RCC1L: variants seen among roughly 807,000 people sequenced by gnomAD.
RCC1L encodes the protein RCC1-like G exchanging factor-like protein.
A neutral mutation model predicts 58.6 loss-of-function variants in RCC1L; 46 were observed. The observed-to-expected ratio is 0.79, with a 90% CI of 0.62 to 1.00. The LOEUF (loss-of-function observed/expected upper bound fraction) is 1.00, where lower values mean the gene tolerates loss of function less well. Ranked by LOEUF, RCC1L falls within the 50% of genes least tolerant of loss-of-function variation. The pLI is 0.00. For missense variants in RCC1L, 636 were observed against 623.6 expected (o/e 1.02, Z -0.21); for synonymous variants, 281 against 262.9 (o/e 1.07, Z -0.67).
At chr7:75,044,850 C>T (rs915789133) in intron 10 of RCC1L, among the ~76,000 whole-genome samples, 1 of 151,672 alleles carries the variant, frequency 6.6e-6, no homozygotes, top group Non-Finnish European at 1.5e-5. Flanking sequence ...GGTGAAACCC[C>T]GTCTCTACTA....
At chr7:75,064,866 C>A in intron 3 of RCC1L, 1 of 604,318 alleles carries the variant, frequency 1.7e-6, no homozygotes, top group Non-Finnish European at 3.0e-6. Context: ...CCTAGATCCA[C>A]TTCTTGGGAA....
chr7:75,055,548 T>G, intron 9 of RCC1L: 1 of 352,896 alleles, frequency 2.8e-6, no homozygotes, highest in Non-Finnish European at 5.5e-6. Context: ...CACATTCACT[T>G]CCTAATCACC....
intron 10 of RCC1L, among the ~76,000 whole-genome samples, chr7:75,029,147 T>C (rs1805226775): frequency 6.6e-6 from 1 of 152,190 alleles, no homozygotes; most frequent in African/African-American, 2.4e-5. Context: ...CCCAGGGCAC[T>C]ATTTGGTGAT....
intron 10 of RCC1L, among the ~76,000 whole-genome samples, chr7:75,034,333 C>G (rs1805387569): frequency 6.6e-6 from 1 of 152,060 alleles, no homozygotes; most frequent in South Asian, 2.1e-4. Context: ...CTGGGCAACA[C>G]AGTGAAATCC....
At chr7:75,045,453 T>C (rs1262054264) in intron 10 of RCC1L, among the ~76,000 whole-genome samples, 10 of 152,148 alleles carry the variant, frequency 6.6e-5, no homozygotes, top group Admixed American at 1.3e-4. Context: ...GTGCTGGGAT[T>C]CCAGGTGTGA....
In RCC1L at chr7:75,073,699, C is replaced by A. The variant is rs587623260; in HGVS notation, c.39G>T (p.Gly13=). The part of the protein sequence containing the change: ...LVALVAGARL[G]RRLSGPGLGR... ...CCAGCCCCGGCCCGCTCAGCCGCCGCCCCAGCCGAGCCCCAGCCACCAACG... is the reference window on the plus strand; with the variant it reads ...CCAGCCCCGGCCCGCTCAGCCGCCGACCCAGCCGAGCCCCAGCCACCAACG... Residue 13 remains glycine (G), a synonymous_variant, in exon 1 of 11, where the codon GGG becomes GGT. Coordinates refer to ENST00000610322, the MANE Select transcript of RCC1L (RefSeq NM_030798.5). The A allele has an allele frequency of 6.6e-7, 1 of 1,509,740 alleles. No homozygotes were observed. Among genetic ancestry groups the A allele is most frequent in the Non-Finnish European group, 8.8e-7 (1 of 1,135,762 alleles). The allele number at this position is 1,509,740 out of a possible 1,614,324, so 93.5% of individuals were successfully genotyped here.
chr7:75,057,681 G>C, intron 7 of RCC1L, 65 bp from the exon 8 acceptor site: 1 of 1,488,670 alleles, frequency 6.7e-7, no homozygotes, highest in South Asian at 1.1e-5. Context: ...AAGTGTTCTG[G>C]TCTTAGGTAC....
intron 8 of RCC1L, chr7:75,056,785 C>T: frequency 6.9e-7 from 1 of 1,442,848 alleles, no homozygotes; most frequent in Non-Finnish European, 9.4e-7. Context: ...CCCTGTAATG[C>T]CATCTTCTAA....
rs1299420658 is a variant in RCC1L, at chr7:75,051,163, G to A, written c.1317+1548C>T. Among the ~76,000 whole-genome samples the A allele has an allele frequency of 3.5e-5, 5 of 143,660 alleles. No homozygotes were observed. The South Asian group carries it at 6.6e-4, about 19-fold the overall frequency. The allele number at this position is 143,660 out of a possible 152,430, so 94.2% of individuals were successfully genotyped here. A position where few individuals can be genotyped will look rare whatever the true frequency, so the allele number is the denominator to read the frequency against. ...AACTTGCTTTCTCAGAGCCTCCACC[G>A]ATAGTCTTGGAAAAAATATATATAT... On this transcript the variant is annotated intron_variant, in intron 10 of 10. Coordinates refer to ENST00000610322, the MANE Select transcript of RCC1L (RefSeq NM_030798.5).
chr7:75,073,650 C>T lies in RCC1L; in HGVS notation c.88G>A (p.Gly30Arg), dbSNP rs6955671. The change falls in exon 1 of 11, where the codon GGG becomes AGG. Residue 30 changes from glycine (G) to arginine (R), a missense_variant. Physicochemically the swap from Gly to Arg is moderately radical, Grantham distance 125. Coordinates refer to ENST00000610322, the MANE Select transcript of RCC1L (RefSeq NM_030798.5). ...GLGRGHWTAA[G>R]RSRSRREAAE... ...GCTTCGCGCCGGCTCCGGGAGCGCC[C>T]GGCCGCCGTCCAGTGCCCTCGCCCC... The T allele has an allele frequency of 0.53, 780,794 of 1,471,688 alleles. 215,759 individuals carry two copies. The highest frequency in any genetic ancestry group is 0.91 in the East Asian group (31,337 of 34,620). The allele number at this position is 1,471,688 out of a possible 1,614,324, so 91.2% of individuals were successfully genotyped here.
chr7:75,045,457 G>A (rs985583720), intron 10 of RCC1L, among the ~76,000 whole-genome samples: 2 of 152,142 alleles, frequency 1.3e-5, no homozygotes, highest in African/African-American at 4.8e-5. Flanking sequence ...TGGGATTCCA[G>A]GTGTGATCCC....
intron 9 of RCC1L, among the ~76,000 whole-genome samples, chr7:75,054,924 T>C (rs1806026674): frequency 6.6e-6 from 1 of 152,214 alleles, no homozygotes; most frequent in Non-Finnish European, 1.5e-5. Context: ...AAACTCCAGC[T>C]GGCAGCCATA....
chr7:75,056,461 C>T, intron 8 of RCC1L: 10 of 1,418,482 alleles, frequency 7.0e-6, no homozygotes, highest in Middle Eastern at 5.1e-4. Context: ...GATCAGAAGG[C>T]CAAACACATC....
At chr7:75,041,138 C>T (rs887037865), downstream of RCC1L, among the ~76,000 whole-genome samples, 6 of 151,960 alleles carry the variant, frequency 3.9e-5, no homozygotes, top group South Asian at 2.1e-4. Flanking sequence ...TTGCTTGAAC[C>T]GGGAGGCGGA....
chr7:75,039,124 G>A (rs1298695621), downstream of RCC1L, among the ~76,000 whole-genome samples: 4 of 152,242 alleles, frequency 2.6e-5, no homozygotes, highest in African/African-American at 2.4e-5. Flanking sequence ...ACAGATGTGA[G>A]CCACTGCACC....
exon 11 of RCC1L, chr7:75,027,905 G>T: frequency 2.8e-6 from 3 of 1,055,728 alleles, no homozygotes; most frequent in Non-Finnish European, 2.8e-6. Flanking sequence ...CTATCTCCTG[G>T]TCTGCTGGGT....
chr7:75,030,224 T>C lies in RCC1L; in HGVS notation c.1318-2145A>G, dbSNP rs918207387. Among the ~76,000 whole-genome samples the C allele has an allele frequency of 5.9e-5, 9 of 152,330 alleles. No homozygotes were observed. In the East Asian group the frequency reaches 1.5e-3, roughly 26 times the overall value. On this transcript the variant is annotated intron_variant, in intron 10 of 10. Transcript: ENST00000614461. Reference sequence around the variant, plus strand: ...GTGTGTTTATGCACACGTTTGTGCATGTACCTGTGAGCGTGGATGTGTTCC... The same window carrying C: ...GTGTGTTTATGCACACGTTTGTGCACGTACCTGTGAGCGTGGATGTGTTCC...
chr7:75,064,292 T>G (rs1806378911), intron 4 of RCC1L, among the ~76,000 whole-genome samples: 1 of 150,722 alleles, frequency 6.6e-6, no homozygotes, highest in African/African-American at 2.5e-5. Context: ...ATTGCGCCTC[T>G]GCACTCTGGC....
chr7:75,030,587 G>A (rs1805275199), intron 10 of RCC1L, among the ~76,000 whole-genome samples: 1 of 152,160 alleles, frequency 6.6e-6, no homozygotes, highest in African/African-American at 2.4e-5. Flanking sequence ...TCTAAGTGAG[G>A]CCTGGCTGTA....
Sources: gnomAD v4.1 joint callset for allele counts (sites outside exome capture counted in the v4.1 genomes callset) on GRCh38, gnomAD v4.1.1 for gene constraint, MANE v1.5 for transcripts, NCBI Gene and HGNC (gene_info 2026-07-23, HGNC 2026-07-21) for gene names.